Variants in PID1 observed in about 807,000 individuals in gnomAD.
PID1 encodes PTB-containing, cubilin and LRP1-interacting protein.
PID1 carries 10 observed loss-of-function variants against 19.1 expected under a neutral mutation model. The ratio of observed to expected loss-of-function variants is 0.52; its 90% CI spans 0.32 to 0.89. The LOEUF (loss-of-function observed/expected upper bound fraction) is 0.89, where lower values mean the gene tolerates loss of function less well. PID1 is among the 40% of genes least tolerant of loss of function. The pLI is 0.03. For synonymous variants in PID1, 130 were observed against 116.0 expected (o/e 1.12, Z -0.78); for missense variants, 248 against 285.3 (o/e 0.87, Z 0.94).
intron 2 of PID1, among the ~76,000 whole-genome samples, chr2:229,152,404 C>T (rs1418990934): frequency 6.6e-6 from 1 of 152,098 alleles, no homozygotes; most frequent in African/African-American, 2.4e-5. Flanking sequence ...AGGTTGCATC[C>T]CCCACAATAC....
chr2:229,107,180 G>C (rs1433379614), intron 2 of PID1, among the ~76,000 whole-genome samples: 1 of 152,112 alleles, frequency 6.6e-6, no homozygotes. Context: ...GCCTTCTTGG[G>C]GAAAATGGCC....
intron 1 of PID1, among the ~76,000 whole-genome samples, chr2:229,242,892 G>A (rs564726198): frequency 6.6e-6 from 1 of 152,178 alleles, no homozygotes; most frequent in East Asian, 1.9e-4. Flanking sequence ...CTCATGTGAT[G>A]TGCTCACTCT....
chr2:229,216,037 C>A (rs1372060216), intron 1 of PID1, among the ~76,000 whole-genome samples: 1 of 152,136 alleles, frequency 6.6e-6, no homozygotes, highest in Non-Finnish European at 1.5e-5. Context: ...ATATTTCCTG[C>A]AGAAGAGGAT....
intron 2 of PID1, among the ~76,000 whole-genome samples, chr2:229,050,221 C>G (rs1450392133): frequency 6.6e-6 from 1 of 152,160 alleles, no homozygotes; most frequent in African/African-American, 2.4e-5. Context: ...TGTATCTGTA[C>G]AATCCCCCAT....
intron 2 of PID1, among the ~76,000 whole-genome samples, chr2:229,145,722 A>G (rs958943279): frequency 1.3e-5 from 2 of 152,166 alleles, no homozygotes; most frequent in Non-Finnish European, 2.9e-5. Context: ...AGTACCGTGA[A>G]TCTTTTACAA....
At chr2:229,217,478 A>G (rs1300048298) in intron 1 of PID1, among the ~76,000 whole-genome samples, 1 of 152,188 alleles carries the variant, frequency 6.6e-6, no homozygotes, top group Admixed American at 6.5e-5. Flanking sequence ...TTGGGATCAG[A>G]AAATGGAGAG....
At chr2:229,260,506 G>C (rs571237046) in intron 1 of PID1, among the ~76,000 whole-genome samples, 7 of 150,802 alleles carry the variant, frequency 4.6e-5, no homozygotes, top group Non-Finnish European at 7.4e-5. Context: ...ATGTGCATGT[G>C]TGTGTGTGTA....
At chr2:229,249,639 T>C (rs529046523) in intron 1 of PID1, among the ~76,000 whole-genome samples, 2 of 152,174 alleles carry the variant, frequency 1.3e-5, no homozygotes, top group African/African-American at 4.8e-5. Context: ...ATGAGCTGAA[T>C]GGTATAACTG....
At chr2:229,114,180 C>A (rs895538629) in intron 2 of PID1, among the ~76,000 whole-genome samples, 2 of 143,894 alleles carry the variant, frequency 1.4e-5, no homozygotes, top group Non-Finnish European at 3.1e-5. Flanking sequence ...CACAAACACA[C>A]ACACACACAC....
intron 2 of PID1, among the ~76,000 whole-genome samples, chr2:229,059,735 AT>A (rs1694174341): frequency 6.6e-6 from 1 of 152,176 alleles, no homozygotes; most frequent in African/African-American, 2.4e-5. Context: ...TGATAAACCA[AT>A]TGCAAAATCT....
chr2:229,095,424 A>AG (rs1361513401), intron 2 of PID1, among the ~76,000 whole-genome samples: 6 of 152,306 alleles, frequency 3.9e-5, no homozygotes, highest in Non-Finnish European at 8.8e-5. Context: ...CAAAGGCTAC[A>AG]GGGCCTCATT....
At chr2:229,261,896 C>CTTTTTTTT (rs34477126) in intron 1 of PID1, among the ~76,000 whole-genome samples, 1 of 147,892 alleles carries the variant, frequency 6.8e-6, no homozygotes. Flanking sequence ...ACATGGCTGA[C>CTTTTTTTT]TTTTTTTTTT....
rs116098900 is a variant in PID1 at position 229,143,911 on chromosome 2, A to G, written c.177+11907T>C. On this transcript the variant is annotated intron_variant, in intron 2 of 2. Transcript: ENST00000392055. ...TCAATTAAACCCCTTTTCCTTACAA[A>G]TTACCCAGTTTCAGGTAGTTCCTTA... Among the ~76,000 whole-genome samples, 708 of 152,172 alleles carry G rather than the reference A, an allele frequency of 4.7e-3. 6 individuals are homozygous for G. Among genetic ancestry groups the G allele is most frequent in the African/African-American group, 0.016 (678 of 41,516 alleles).
chr2:229,121,816 C>T (rs1482690461), intron 2 of PID1, among the ~76,000 whole-genome samples: 1 of 152,262 alleles, frequency 6.6e-6, no homozygotes, highest in East Asian at 1.9e-4. Context: ...ATAAGACTGA[C>T]ATGGTCCTTT....
chr2:229,055,789 C>T (rs144413307), intron 2 of PID1, among the ~76,000 whole-genome samples: 9 of 152,298 alleles, frequency 5.9e-5, no homozygotes, highest in East Asian at 3.9e-4. Flanking sequence ...GAACATTCTT[C>T]GGCATACAGC....
intron 2 of PID1, among the ~76,000 whole-genome samples, chr2:229,151,007 T>C (rs1046679137): frequency 5.3e-5 from 8 of 152,156 alleles, no homozygotes; most frequent in Admixed American, 4.6e-4. Flanking sequence ...TCCTCCAGCC[T>C]TGGATGTCTG....
intron 2 of PID1, among the ~76,000 whole-genome samples, chr2:229,151,286 G>C (rs141115923): frequency 2.6e-5 from 4 of 152,100 alleles, no homozygotes; most frequent in African/African-American, 4.8e-5. Context: ...GAATCCGGTG[G>C]GGGGGAGCAC....
At chr2:229,059,567 A>C (rs1205376726) in intron 2 of PID1, among the ~76,000 whole-genome samples, 2 of 152,168 alleles carry the variant, frequency 1.3e-5, no homozygotes, top group Non-Finnish European at 2.9e-5. Context: ...CTTGAACCCA[A>C]AATTTTCTGA....
rs371176013 is a variant in PID1, at chr2:229,170,674, T to G, written c.31-14710A>C. ...ATGTGTTTTCATTTTATGGAAAGTTTAATGTAAGTGATTTGTAATTAGATG... is the reference window on the plus strand; with the variant it reads ...ATGTGTTTTCATTTTATGGAAAGTTGAATGTAAGTGATTTGTAATTAGATG... On this transcript the variant is annotated intron_variant, in intron 1 of 2. Coordinates refer to ENST00000392055, the MANE Select transcript of PID1 (RefSeq NM_001100818.2). Among the ~76,000 whole-genome samples the G allele has an allele frequency of 1.1e-3, 170 of 152,326 alleles. 1 individual carries two copies. The highest frequency in any genetic ancestry group is 3.9e-3 in the African/African-American group (161 of 41,566).
Sources: allele counts gnomAD v4.1 joint callset (sites outside exome capture counted in the v4.1 genomes callset), GRCh38; gene constraint gnomAD v4.1.1; transcripts MANE v1.5; gene names NCBI Gene and HGNC (gene_info 2026-07-23, HGNC 2026-07-21).